Variants in RAB27A observed in about 807,000 individuals in gnomAD.
The protein encoded by RAB27A is ras-related protein Rab-27A.
In RAB27A, 17 loss-of-function variants were observed where a neutral mutation model predicts 20.8. The observed-to-expected ratio is 0.82, with a 90% CI of 0.56 to 1.23. The LOEUF (loss-of-function observed/expected upper bound fraction) is 1.23, where lower values mean the gene tolerates loss of function less well. Among genes scored for constraint, RAB27A ranks in the 50% most tolerant of loss-of-function variants. RAB27A has a pLI of 0.00. For synonymous variants in RAB27A, 85 were observed against 92.8 expected, an observed-to-expected ratio of 0.92 and a Z score of 0.48; for missense variants, 277 against 266.7, an observed-to-expected ratio of 1.04 and a Z score of -0.27.
chr15:55,265,712 G>C (rs936627492), intron 2 of RAB27A, among the ~76,000 whole-genome samples: 8 of 152,070 alleles, frequency 5.3e-5, no homozygotes, highest in African/African-American at 1.9e-4. Context: ...GGGCAGGTAA[G>C]GGTTTGAGGG....
chr15:55,221,839 C>G (rs1895586331), intron 6 of RAB27A, among the ~76,000 whole-genome samples: 1 of 152,078 alleles, frequency 6.6e-6, no homozygotes, highest in South Asian at 2.1e-4. Flanking sequence ...ACAAAGGGCC[C>G]CAGTTTCTGC....
At chr15:55,303,100 G>C (rs1453030877) in intron 2 of RAB27A, among the ~76,000 whole-genome samples, 1 of 129,698 alleles carries the variant, frequency 7.7e-6, no homozygotes, top group Admixed American at 7.3e-5. Context: ...TCAGCCCCCC[G>C]CCTGGCCAGC....
intron 2 of RAB27A, chr15:55,237,473 T>G (rs1896306015): frequency 6.6e-6 from 1 of 152,178 alleles, no homozygotes; most frequent in African/African-American, 2.4e-5. Context: ...ATTTGCACAC[T>G]ATAAAGAGTG....
intron 2 of RAB27A, among the ~76,000 whole-genome samples, chr15:55,311,188 T>C (rs947257588): frequency 6.6e-6 from 1 of 152,238 alleles, no homozygotes; most frequent in Non-Finnish European, 1.5e-5. Flanking sequence ...TTCTCTCATT[T>C]GGAGCTAGTG....
rs104894500 is a variant in RAB27A, at chr15:55,224,004, G to A, written c.352C>T (p.Gln118Ter). ...GGGTTTTCACAATATGCATGCATCT[G>A]TAGCTGGCCTATTAATATAAGAAAG... ...LNVRNWISQLQMHAYCENPDI... is the reference protein window; with the variant it reads ...LNVRNWISQL The change falls in exon 6 of 7, where the codon CAG becomes TAG. Residue 118 changes from glutamine (Q) to a stop codon, truncating the protein, a stop_gained. Transcript: ENST00000336787. LOFTEE classifies it high-confidence loss of function. The A allele has an allele frequency of 3.2e-6, 5 of 1,576,478 alleles. No individual in the cohort carries two copies. The highest frequency in any genetic ancestry group is 3.3e-4 in the Middle Eastern group (2 of 5,980).
At chr15:55,269,156 T>C (rs79090716) in intron 2 of RAB27A, among the ~76,000 whole-genome samples, 1 of 152,348 alleles carries the variant, frequency 6.6e-6, no homozygotes, top group East Asian at 1.9e-4. Flanking sequence ...TTTCTGTTTT[T>C]GAAATCACAC....
At chr15:55,302,077 T>C (rs1431327008) in intron 2 of RAB27A, among the ~76,000 whole-genome samples, 1 of 150,568 alleles carries the variant, frequency 6.6e-6, no homozygotes, top group Admixed American at 6.6e-5. Flanking sequence ...TTCGGGAGGC[T>C]AAGGCAGGAG....
At chr15:55,307,856 T>C (rs1226362980) in intron 2 of RAB27A, among the ~76,000 whole-genome samples, 1 of 151,656 alleles carries the variant, frequency 6.6e-6, no homozygotes, top group Non-Finnish European at 1.5e-5. Flanking sequence ...TTGATAGTTT[T>C]GAAAAGGCCT....
At position 55,203,864 on chromosome 15, in the gene RAB27A, G is replaced by A. The variant is rs1358765184; in HGVS notation, c.*1643C>T. 2.0e-5 allele frequency: 3 copies of A among 151,916 alleles called. No individual in the cohort carries two copies. Among genetic ancestry groups the A allele is most frequent in the Non-Finnish European group, 4.4e-5 (3 of 68,000 alleles). 9.4% of individuals were successfully genotyped at this position (151,916 alleles called of 1,614,324 possible). A position where few individuals can be genotyped will look rare whatever the true frequency, so the allele number is the denominator to read the frequency against. The stretch of plus-strand genomic sequence containing the variant: ...GTAAAATTTTACCAACCATGGATAA[G>A]TTTGTTATGGGAGTAGTGGAAGGAC... On this transcript the variant is annotated 3_prime_UTR_variant, in exon 7 of 7. Transcript: ENST00000336787.
Position 55,307,180 on chromosome 15 carries a change from C to T in RAB27A, c.-112+6859G>A, listed in dbSNP as rs978883212. 2.0e-5 allele frequency among the ~76,000 whole-genome samples: 3 copies of T among 151,938 alleles called. No individual in the cohort carries two copies. The East Asian group carries it at 5.8e-4, about 29-fold the overall frequency. ...CACCAGGGTGGAATATTTCTTTTCC[C>T]TCCTCTCGGGGACAGGCTCCTTGTA... On this transcript the variant is annotated intron_variant, in intron 2 of 5. Transcript: ENST00000563262.
At chr15:55,245,042 G>T (rs1455348181) in intron 2 of RAB27A, among the ~76,000 whole-genome samples, 4 of 152,160 alleles carry the variant, frequency 2.6e-5, no homozygotes, top group African/African-American at 9.7e-5. Flanking sequence ...CATGGCATGA[G>T]GCAGGCTAGA....
intron 5 of RAB27A, 67 bp from the exon 6 acceptor site, chr15:55,224,079 C>T: frequency 7.8e-7 from 1 of 1,288,060 alleles, no homozygotes; most frequent in Non-Finnish European, 1.1e-6. Context: ...GTGAACAATA[C>T]ATGCAAAAGT....
chr15:55,233,394 TA>T (rs1896124055), intron 3 of RAB27A, among the ~76,000 whole-genome samples: 1 of 152,030 alleles, frequency 6.6e-6, no homozygotes, highest in Admixed American at 6.6e-5. Context: ...AAAAGGGAAT[TA>T]AAATGATGCA....
intron 2 of RAB27A, chr15:55,238,459 T>A (rs879741264): frequency 6.6e-6 from 1 of 152,200 alleles, no homozygotes; most frequent in Admixed American, 6.6e-5. Flanking sequence ...ATTACTTGGA[T>A]GTCTTTGAGC....
chr15:55,237,697 A>T (rs1399377872), intron 2 of RAB27A, among the ~76,000 whole-genome samples: 1 of 152,160 alleles, frequency 6.6e-6, no homozygotes, highest in East Asian at 1.9e-4. Context: ...ATGTTGACTC[A>T]TTTGAGGGCT....
rs958660832 is a variant in RAB27A at position 55,206,724 on chromosome 15, TAGA to T, written c.468-1022_468-1020del. ...GTGAAAAGTAAAACTTGAAAACTTT[TAGA>T]AGAACATACAACAGTCTTATCTTTT... is the stretch of plus-strand genomic sequence containing the variant. On this transcript the variant is annotated intron_variant, in intron 6 of 6. Transcript: ENST00000336787. 1.2e-4 allele frequency among the ~76,000 whole-genome samples: 19 copies of T among 152,336 alleles called. 1 individual carries two copies. Among genetic ancestry groups the T allele is most frequent in the Admixed American group, 7.8e-4 (12 of 15,302 alleles).
At chr15:55,267,205 A>C (rs1469601472) in intron 2 of RAB27A, among the ~76,000 whole-genome samples, 1 of 152,186 alleles carries the variant, frequency 6.6e-6, no homozygotes, top group East Asian at 1.9e-4. Flanking sequence ...TATTTGCTGG[A>C]TTTACCATCT....
chr15:55,241,600 T>TTATATATATATATATATATATATATA (rs58693379), intron 2 of RAB27A, among the ~76,000 whole-genome samples: 1 of 123,876 alleles, frequency 8.1e-6, no homozygotes, highest in African/African-American at 4.3e-5. Flanking sequence ...CAAGACCTAT[T>TTATATATATATATATATATATATATA]TATATATATA....
upstream of RAB27A, among the ~76,000 whole-genome samples, chr15:55,293,426 G>A (rs2054933871): frequency 1.3e-5 from 2 of 150,422 alleles, no homozygotes. Context: ...AAAGATGCAA[G>A]ATACTAGATC....
Sources: allele counts gnomAD v4.1 joint callset (sites outside exome capture counted in the v4.1 genomes callset), GRCh38; gene constraint gnomAD v4.1.1; transcripts MANE v1.5; gene names NCBI Gene and HGNC (gene_info 2026-07-23, HGNC 2026-07-21).